Variants in RAPGEF6 observed in about 807,000 individuals in gnomAD.
RAPGEF6 encodes PDZ domain containing guanine nucleotide exchange factor (GEF) 2.
In RAPGEF6, 56 loss-of-function variants were observed where a neutral mutation model predicts 171.4. The observed-to-expected ratio is 0.33, with a 90% CI of 0.26 to 0.41. The LOEUF (loss-of-function observed/expected upper bound fraction) is 0.41, where lower values mean the gene tolerates loss of function less well. Ranked by LOEUF, RAPGEF6 falls within the 10% of genes least tolerant of loss-of-function variation. The probability of loss-of-function intolerance (pLI) is 1.00; values close to 1 mark genes in which losing one functional copy is unlikely to be tolerated. For synonymous variants in RAPGEF6, 692 were observed against 650.1 expected (o/e 1.06, Z -0.98); for missense variants, 1,674 against 1,921.4 (o/e 0.87, Z 2.41).
chr5:131,490,126 A>C (rs1756182756), intron 14 of RAPGEF6, among the ~76,000 whole-genome samples: 1 of 152,218 alleles, frequency 6.6e-6, no homozygotes. Context: ...AAACAGCAAG[A>C]AGCACAACTG....
chr5:131,597,860 T>A (rs986767134), intron 3 of RAPGEF6, among the ~76,000 whole-genome samples: 1 of 152,150 alleles, frequency 6.6e-6, no homozygotes, highest in Non-Finnish European at 1.5e-5. Context: ...GAGAGGCTTT[T>A]GAATGTTTTC....
chr5:131,587,405 A>T (rs1763314327), intron 4 of RAPGEF6, among the ~76,000 whole-genome samples: 1 of 152,214 alleles, frequency 6.6e-6, no homozygotes, highest in Non-Finnish European at 1.5e-5. Context: ...GTTGAGGAAA[A>T]GTAAGAGAGT....
chr5:131,538,055 G>A (rs1759889701), intron 6 of RAPGEF6, among the ~76,000 whole-genome samples: 1 of 152,076 alleles, frequency 6.6e-6, no homozygotes, highest in African/African-American at 2.4e-5. Context: ...TCATTCCACT[G>A]CATTCTAGTC....
intron 5 of RAPGEF6, among the ~76,000 whole-genome samples, chr5:131,549,442 T>G (rs1270330700): frequency 6.6e-6 from 1 of 152,222 alleles, no homozygotes. Flanking sequence ...TACCAAATTC[T>G]ATATATGTCA....
chr5:131,554,444 G>T (rs1464746923), intron 5 of RAPGEF6, among the ~76,000 whole-genome samples: 1 of 152,174 alleles, frequency 6.6e-6, no homozygotes, highest in African/African-American at 2.4e-5. Flanking sequence ...TAAAATACTG[G>T]ACAATAGGAA....
At chr5:131,564,549 T>C (rs1328199391) in intron 4 of RAPGEF6, among the ~76,000 whole-genome samples, 1 of 151,988 alleles carries the variant, frequency 6.6e-6, no homozygotes, top group Non-Finnish European at 1.5e-5. Context: ...CAATACCACC[T>C]AAAGAGATGC....
chr5:131,534,799 A>G (rs1759654196), intron 6 of RAPGEF6, among the ~76,000 whole-genome samples: 1 of 152,166 alleles, frequency 6.6e-6, no homozygotes, highest in Non-Finnish European at 1.5e-5. Flanking sequence ...AGTATTTTAC[A>G]CATAAATATC....
At chr5:131,600,048 A>G (rs58367482) in intron 3 of RAPGEF6, among the ~76,000 whole-genome samples, 3,626 of 151,528 alleles carry the variant, frequency 0.024, 117 homozygotes, top group African/African-American at 0.076. Flanking sequence ...ACTTTCCCGC[A>G]TTTTTTTTTG....
At position 131,433,658 on chromosome 5, in the gene RAPGEF6, C is replaced by T. The variant is rs761065851; in HGVS notation, c.3746G>A (p.Gly1249Asp). 48 of 1,595,210 alleles carry T rather than the reference C, an allele frequency of 3.0e-5. No individual in the cohort carries two copies. The highest frequency in any genetic ancestry group is 4.1e-5 in the Non-Finnish European group (48 of 1,163,508). ...PASPQGSPHK[G>D]YTLIPSAKSD... ...TTTAGCTGATGGAATAAGTGTGTAA[C>T]CTGAACAAGAAAAGAGCACTGATCA... The change falls in exon 25 of 28, where the codon GGT becomes GAT. Residue 1249 changes from glycine to aspartate, a missense_variant and splice_region_variant. Transcript: ENST00000509018.
chr5:131,472,553 A>G, intron 17 of RAPGEF6, 34 bp downstream of exon 17: 1 of 1,595,370 alleles, frequency 6.3e-7, no homozygotes, highest in Non-Finnish European at 8.6e-7. Context: ...ATTTGGTACC[A>G]ATACGGCAAT....
intron 3 of RAPGEF6, among the ~76,000 whole-genome samples, chr5:131,594,848 A>G (rs1763801014): frequency 6.6e-6 from 1 of 152,274 alleles, no homozygotes; most frequent in East Asian, 1.9e-4. Context: ...ATTTTGGCCA[A>G]TTTCTACCAT....
intron 3 of RAPGEF6, among the ~76,000 whole-genome samples, chr5:131,602,705 G>C (rs558593593): frequency 6.6e-6 from 1 of 152,282 alleles, no homozygotes; most frequent in Admixed American, 6.5e-5. Flanking sequence ...AAGTTGCAGT[G>C]AGCCAAGATT....
At chr5:131,472,913 C>A (rs545357041) in intron 16 of RAPGEF6, 169 bp from the exon 17 acceptor site, 70 of 578,852 alleles carry the variant, frequency 1.2e-4, no homozygotes, top group Admixed American at 7.2e-4. Flanking sequence ...GAAAATGGCA[C>A]TAAAATTTTT....
At chr5:131,442,596 T>C (rs537342995) in intron 22 of RAPGEF6, 59 bp from the exon 23 acceptor site, 55 of 1,577,190 alleles carry the variant, frequency 3.5e-5, no homozygotes, top group Admixed American at 1.3e-4. Context: ...TTATCACCAC[T>C]GGCAATAATA....
chr5:131,515,718 A>G (rs1296046071), intron 7 of RAPGEF6, among the ~76,000 whole-genome samples: 1 of 152,224 alleles, frequency 6.6e-6, no homozygotes, highest in East Asian at 1.9e-4. Context: ...TAACATGAAA[A>G]TGTCATCTTC....
chr5:131,508,162 A>G lies in RAPGEF6; in HGVS notation c.851T>C (p.Met284Thr), dbSNP rs771081218. 3.1e-6 allele frequency: 5 copies of G among 1,613,170 alleles called. No homozygotes were observed. The African/African-American group carries it at 4.0e-5, about 13-fold the overall frequency. Residue 284 changes from methionine to threonine, a missense_variant, in exon 9 of 28, where the codon ATG (methionine) becomes ACG (threonine). Physicochemically the swap from Met to Thr is moderately conservative, Grantham distance 81. This residue lies in a region of RAPGEF6 where 1,116 missense variants were observed against 1,321.5 expected (regional missense o/e 0.84). Transcript: ENST00000509018. ...GAGTTCTCTCCTTACAGACATGGTC[A>G]TGTTTGCAAATGCAGGGAGCTGGTG... ...FMHQLPAFAN[M>T]TMSVRRELCS...
At chr5:131,497,945 G>A (rs1756741117) in intron 12 of RAPGEF6, among the ~76,000 whole-genome samples, 1 of 152,130 alleles carries the variant, frequency 6.6e-6, no homozygotes, top group Non-Finnish European at 1.5e-5. Flanking sequence ...TCAAAAGGTA[G>A]ATTTAAATAA....
intron 21 of RAPGEF6, among the ~76,000 whole-genome samples, chr5:131,452,687 C>T (rs1753181707): frequency 2.0e-5 from 3 of 149,506 alleles, no homozygotes; most frequent in South Asian, 4.2e-4. Context: ...AGGATGGTCT[C>T]GATCTCCTGA....
chr5:131,487,174 G>A (rs561861773), intron 15 of RAPGEF6, among the ~76,000 whole-genome samples: 45 of 152,254 alleles, frequency 3.0e-4, no homozygotes, highest in Admixed American at 1.2e-3. Context: ...TCTTCCTTCC[G>A]GTGGGTTCAT....
Sources: allele counts gnomAD v4.1 joint callset (sites outside exome capture counted in the v4.1 genomes callset), GRCh38; gene constraint gnomAD v4.1.1; regional missense constraint gnomAD v4.1.1; transcripts MANE v1.5; gene names NCBI Gene and HGNC (gene_info 2026-07-23, HGNC 2026-07-21).